Variants in ATP8B1 observed in about 807,000 individuals in gnomAD.
ATP8B1 encodes ATPase phospholipid transporting 8B1.
A neutral mutation model predicts 149.9 loss-of-function variants in ATP8B1; 80 were observed. That is an observed-to-expected ratio of 0.53 (90% confidence interval 0.45 to 0.64). The LOEUF is 0.64. Among genes scored for constraint, ATP8B1 ranks in the 30% least tolerant of loss-of-function variants. ATP8B1 has a pLI of 0.00. For missense variants in ATP8B1, 1,247 were observed against 1,552.6 expected, an observed-to-expected ratio of 0.80 and a Z score of 3.31; for synonymous variants, 536 against 562.8, an observed-to-expected ratio of 0.95 and a Z score of 0.67.
chr18:57,773,546 A>G (rs1195816096), intron 1 of ATP8B1, among the ~76,000 whole-genome samples: 2 of 152,196 alleles, frequency 1.3e-5, no homozygotes, highest in Non-Finnish European at 2.9e-5. Context: ...ATACGCACTT[A>G]TTAGCATTTT....
chr18:57,783,558 G>A lies in ATP8B1; in HGVS notation c.-26+19440C>T, dbSNP rs2663858. On this transcript the variant is annotated intron_variant, in intron 1 of 27. Coordinates refer to ENST00000648908, the MANE Select transcript of ATP8B1 (RefSeq NM_001374385.1). ...ACAATATAAAAGGAAATTGAAGACC[G>A]GGCATAGTGGCTCATACCTGCAATC... Among the ~76,000 whole-genome samples the A allele has an allele frequency of 6.2e-3, 951 of 152,230 alleles. 11 individuals carry two copies. The highest frequency in any genetic ancestry group is 0.021 in the African/African-American group (891 of 41,552).
intron 17 of ATP8B1, among the ~76,000 whole-genome samples, chr18:57,670,696 ATTACT>A (rs1911172987): frequency 6.7e-6 from 1 of 150,226 alleles, no homozygotes; most frequent in Non-Finnish European, 1.5e-5. Context: ...TAAACATCTC[ATTACT>A]TTATAGTCAC....
At chr18:57,676,627 G>A (rs554771663) in intron 15 of ATP8B1, among the ~76,000 whole-genome samples, 2 of 147,714 alleles carry the variant, frequency 1.4e-5, no homozygotes, top group Admixed American at 1.4e-4. Flanking sequence ...GCTGAGGCAG[G>A]AGAATCACTT....
chr18:57,727,958 G>A (rs561218774), intron 2 of ATP8B1, among the ~76,000 whole-genome samples: 18 of 152,096 alleles, frequency 1.2e-4, no homozygotes, highest in Non-Finnish European at 2.2e-4. Flanking sequence ...TTACACAAAG[G>A]GTAAAGTTAC....
chr18:57,696,418 G>C (rs906557036), intron 8 of ATP8B1, among the ~76,000 whole-genome samples: 6 of 152,056 alleles, frequency 3.9e-5, no homozygotes, highest in African/African-American at 1.2e-4. Context: ...GTATAGCCTC[G>C]GGGCCTTAAA....
At position 57,707,295 on chromosome 18, in the gene ATP8B1, C is replaced by CA. The variant is rs575068272; in HGVS notation, c.182-709dup. Among the ~76,000 whole-genome samples, 570 of 151,908 alleles carry CA rather than the reference C, an allele frequency of 3.8e-3. 5 individuals carry two copies. Among genetic ancestry groups the CA allele is most frequent in the African/African-American group, 0.013 (554 of 41,444 alleles). ...TGGGCGACAGAGCAAGACTCCATCT[C>CA]AAAAAAACAAACAGAAAAGAAAAGA... On this transcript the variant is annotated intron_variant, in intron 2 of 27. Transcript: ENST00000648908.
At chr18:57,719,349 C>T (rs574970780) in intron 2 of ATP8B1, among the ~76,000 whole-genome samples, 9 of 152,286 alleles carry the variant, frequency 5.9e-5, no homozygotes, top group South Asian at 2.1e-4. Context: ...TCTGAGGTAC[C>T]GGGTTCATCT....
chr18:57,669,145 G>A, intron 18 of ATP8B1, 173 bp downstream of exon 18: 1 of 632,476 alleles, frequency 1.6e-6, no homozygotes, highest in Non-Finnish European at 2.5e-6. Flanking sequence ...GGCAACTTCT[G>A]TTCTGCTCCT....
intron 1 of ATP8B1, among the ~76,000 whole-genome samples, chr18:57,761,352 A>C (rs56307914): frequency 0.46 from 69,263 of 151,892 alleles, 16,049 homozygotes; most frequent in Middle Eastern, 0.52. Context: ...GTGGGAGAGA[A>C]CTATTCTCTA....
intron 1 of ATP8B1, among the ~76,000 whole-genome samples, chr18:57,764,777 A>T (rs867645344): frequency 6.6e-6 from 1 of 150,800 alleles, no homozygotes; most frequent in Non-Finnish European, 1.5e-5. Context: ...AAAAAAAAAA[A>T]AAACAGAAAA....
chr18:57,781,061 C>T (rs1443074384), intron 1 of ATP8B1, among the ~76,000 whole-genome samples: 1 of 152,248 alleles, frequency 6.6e-6, no homozygotes, highest in Non-Finnish European at 1.5e-5. Flanking sequence ...AGACCATTCA[C>T]ATAACCACTG....
chr18:57,691,382 G>T (rs1912519688), intron 12 of ATP8B1, among the ~76,000 whole-genome samples: 1 of 152,076 alleles, frequency 6.6e-6, no homozygotes, highest in Admixed American at 6.6e-5. Context: ...TCTCCACCTT[G>T]GGTGTGGCAG....
At chr18:57,795,037 G>A (rs1045133725) in intron 1 of ATP8B1, among the ~76,000 whole-genome samples, 10 of 152,088 alleles carry the variant, frequency 6.6e-5, no homozygotes, top group East Asian at 3.9e-4. Flanking sequence ...CTGAATAAGG[G>A]GGGCTCAAAA....
At chr18:57,789,900 C>T (rs1177951855) in intron 1 of ATP8B1, among the ~76,000 whole-genome samples, 1 of 152,156 alleles carries the variant, frequency 6.6e-6, no homozygotes, top group African/African-American at 2.4e-5. Context: ...CCAAACAGCT[C>T]CTTAAACCCA....
intron 1 of ATP8B1, among the ~76,000 whole-genome samples, chr18:57,753,859 C>T (rs1166037807): frequency 2.9e-5 from 4 of 136,096 alleles, no homozygotes; most frequent in East Asian, 2.4e-4. Flanking sequence ...ACCTGGGAGG[C>T]GGAGGTTGCA....
At chr18:57,650,632 C>T in intron 26 of ATP8B1, 135 bp from the exon 27 acceptor site, 1 of 1,085,530 alleles carries the variant, frequency 9.2e-7, no homozygotes, top group Non-Finnish European at 1.3e-6. Flanking sequence ...TGCCAGAGCT[C>T]AGGAGTTCGA....
At chr18:57,684,924 C>T in intron 14 of ATP8B1, 148 bp downstream of exon 14, 1 of 978,714 alleles carries the variant, frequency 1.0e-6, no homozygotes, top group Non-Finnish European at 1.6e-6. Context: ...AGTCTCCAAG[C>T]CAAGGAACAC....
rs543100481 is a variant in ATP8B1 at position 57,684,135 on chromosome 18, A to G, written c.1531T>C (p.Tyr511His). 1.2e-6 allele frequency: 2 copies of G among 1,614,166 alleles called. No individual in the cohort carries two copies. The highest frequency in any genetic ancestry group is 2.7e-5 in the African/African-American group (2 of 75,052). ...ADGKLAFYDH[Y>H]LIEQIQSGKE... The stretch of plus-strand genomic sequence containing the variant: ...CCTGACTGGATTTGCTCAATAAGAT[A>G]GTGGTCATAAAATGCAAGCTTCCCA... The change falls in exon 15 of 28, where the codon TAT becomes CAT. Residue 511 changes from tyrosine (Y) to histidine (H), a missense_variant. Physicochemically the swap from Tyr to His is moderately conservative, Grantham distance 83. This residue lies in a region of ATP8B1 where 853 missense variants were observed against 1,035.7 expected (regional missense o/e 0.82). Transcript: ENST00000648908.
At chr18:57,766,217 G>A (rs2080210652) in intron 1 of ATP8B1, among the ~76,000 whole-genome samples, 1 of 151,488 alleles carries the variant, frequency 6.6e-6, no homozygotes, top group Non-Finnish European at 1.5e-5. Flanking sequence ...CTGATTTTTT[G>A]TATTTTTAGT....
Sources: gnomAD v4.1 joint callset for allele counts (sites outside exome capture counted in the v4.1 genomes callset) on GRCh38, gnomAD v4.1.1 for gene constraint, gnomAD v4.1.1 regional missense constraint, MANE v1.5 for transcripts, NCBI Gene and HGNC (gene_info 2026-07-23, HGNC 2026-07-21) for gene names.